PLCH1: variants seen among roughly 807,000 people sequenced by gnomAD.
The protein encoded by PLCH1 is 1-phosphatidylinositol 4,5-bisphosphate phosphodiesterase eta-1.
Under a neutral mutation model 126.7 loss-of-function variants are expected in PLCH1, and 60 were observed. The ratio of observed to expected loss-of-function variants is 0.47; its 90% CI spans 0.38 to 0.59. PLCH1 has a LOEUF of 0.59. Ranked by LOEUF, PLCH1 falls within the 20% of genes least tolerant of loss-of-function variation. The probability of loss-of-function intolerance (pLI) is 0.00; values close to 1 mark genes in which losing one functional copy is unlikely to be tolerated. For missense variants in PLCH1, 1,723 were observed against 2,040.0 expected (o/e 0.84, Z 2.99); for synonymous variants, 719 against 734.9 (o/e 0.98, Z 0.35).
At chr3:155,665,376 G>T (rs562129302) in intron 2 of PLCH1, among the ~76,000 whole-genome samples, 68 of 152,308 alleles carry the variant, frequency 4.5e-4, no homozygotes, top group African/African-American at 1.6e-3. Flanking sequence ...AGATGCAAAG[G>T]ATGAGTTTAC....
intron 21 of PLCH1, among the ~76,000 whole-genome samples, chr3:155,470,724 T>A (rs984875186): frequency 6.6e-5 from 10 of 151,990 alleles, no homozygotes; most frequent in Non-Finnish European, 1.5e-4. Flanking sequence ...TAACAGCGGA[T>A]CTCTCGGCAG....
At chr3:155,647,617 T>C (rs573371698) in intron 2 of PLCH1, among the ~76,000 whole-genome samples, 39 of 152,254 alleles carry the variant, frequency 2.6e-4, no homozygotes, top group African/African-American at 7.5e-4. Context: ...ACTTTTGATA[T>C]GAAAAAGGTT....
Position 155,582,946 on chromosome 3 carries a change from C to T in PLCH1, c.771+526G>A, listed in dbSNP as rs543947765. On this transcript the variant is annotated intron_variant, in intron 6 of 22. Coordinates refer to ENST00000460012, the MANE Select transcript of PLCH1 (RefSeq NM_014996.4). ...TCTTTGCTAATCAGGACCTAATTTA[C>T]TTAGCCTTTTCACATGATCAAATGG... is the stretch of plus-strand genomic sequence containing the variant. 2.0e-5 allele frequency among the ~76,000 whole-genome samples: 3 copies of T among 151,992 alleles called. No homozygotes were observed. The South Asian group carries it at 6.2e-4, about 32-fold the overall frequency.
At chr3:155,676,036 C>T in intron 2 of PLCH1, 2 of 1,533,884 alleles carry the variant, frequency 1.3e-6, no homozygotes, top group Non-Finnish European at 1.8e-6. Flanking sequence ...TCAAGGTCTG[C>T]CATTAAATTT....
At chr3:155,685,674 C>T (rs569535640) in intron 2 of PLCH1, among the ~76,000 whole-genome samples, 2 of 152,314 alleles carry the variant, frequency 1.3e-5, no homozygotes, top group East Asian at 3.9e-4. Context: ...GTTTCCCCAT[C>T]CTCAGCAATA....
At chr3:155,469,777 T>G (rs1174450654) in intron 21 of PLCH1, among the ~76,000 whole-genome samples, 2 of 150,196 alleles carry the variant, frequency 1.3e-5, no homozygotes, top group Non-Finnish European at 3.0e-5. Context: ...CCCTGACCCC[T>G]GAGCAGCCTA....
chr3:155,537,663 C>A (rs1723625730), intron 10 of PLCH1, among the ~76,000 whole-genome samples: 2 of 151,960 alleles, frequency 1.3e-5, no homozygotes, highest in Admixed American at 1.3e-4. Context: ...GGACACTATA[C>A]CATGATAAAA....
intron 13 of PLCH1, 87 bp downstream of exon 13, chr3:155,504,468 T>C: frequency 1.4e-6 from 1 of 730,012 alleles, no homozygotes; most frequent in Non-Finnish European, 2.4e-6. Flanking sequence ...TCTTCAGTTA[T>C]TCCAAGGTCA....
chr3:155,528,210 C>T (rs1261419196), intron 10 of PLCH1, among the ~76,000 whole-genome samples: 4 of 132,644 alleles, frequency 3.0e-5, no homozygotes, highest in Admixed American at 8.4e-5. Flanking sequence ...GGCGACAGAG[C>T]GAGACTCCGT....
At chr3:155,560,140 T>A (rs1052003952) in intron 8 of PLCH1, among the ~76,000 whole-genome samples, 1 of 152,162 alleles carries the variant, frequency 6.6e-6, no homozygotes, top group African/African-American at 2.4e-5. Flanking sequence ...ATTAACAAAG[T>A]TGTAAAATTG....
intron 6 of PLCH1, among the ~76,000 whole-genome samples, chr3:155,576,408 A>G (rs1729958331): frequency 6.6e-6 from 1 of 152,218 alleles, no homozygotes; most frequent in Non-Finnish European, 1.5e-5. Context: ...GTTATAAAAG[A>G]TAGTGAGAAT....
chr3:155,734,287 G>A (rs1384456069), intron 1 of PLCH1, among the ~76,000 whole-genome samples: 1 of 151,604 alleles, frequency 6.6e-6, no homozygotes, highest in African/African-American at 2.4e-5. Flanking sequence ...AGTGAGACCT[G>A]GTCTCTATTA....
At chr3:155,614,864 A>G (rs775004045) in intron 2 of PLCH1, among the ~76,000 whole-genome samples, 2 of 152,174 alleles carry the variant, frequency 1.3e-5, no homozygotes, top group African/African-American at 2.4e-5. Flanking sequence ...CCTTCCAGTC[A>G]TTGGCTTAAG....
intron 13 of PLCH1, 112 bp from the exon 14 acceptor site, chr3:155,500,906 G>T (rs1717797655): frequency 2.9e-6 from 2 of 698,768 alleles, no homozygotes; most frequent in East Asian, 5.3e-5. Flanking sequence ...ATAACTTGGA[G>T]GGAGAAAATG....
intron 2 of PLCH1, among the ~76,000 whole-genome samples, chr3:155,661,474 G>A (rs1292539297): frequency 6.6e-6 from 1 of 152,116 alleles, no homozygotes; most frequent in Non-Finnish European, 1.5e-5. Context: ...CTAATTGCTA[G>A]CATCCCATCC....
rs1048625155 is a variant in PLCH1, at chr3:155,480,866, A to G, written c.*102T>C. 13 of 1,037,272 alleles carry G rather than the reference A, an allele frequency of 1.3e-5. No homozygotes were observed. The highest frequency in any genetic ancestry group is 2.7e-4 in the Middle Eastern group (1 of 3,756). The allele number at this position is 1,037,272 out of a possible 1,614,324, so 64.3% of individuals were successfully genotyped here. A position where few individuals can be genotyped will look rare whatever the true frequency, so the allele number is the denominator to read the frequency against. On this transcript the variant is annotated 3_prime_UTR_variant, in exon 23 of 23. Transcript: ENST00000460012. ...AGGGAGACCCAAATACAAGTTTAAA[A>G]ATACATTTGAAAATCATTCCAAAGC...
At chr3:155,490,420 G>C (rs1045971250) in intron 19 of PLCH1, among the ~76,000 whole-genome samples, 12 of 152,016 alleles carry the variant, frequency 7.9e-5, no homozygotes, top group African/African-American at 1.9e-4. Context: ...AGACACATAG[G>C]CTTCACAAAT....
chr3:155,690,530 T>C (rs959397267), intron 2 of PLCH1, among the ~76,000 whole-genome samples: 2 of 152,204 alleles, frequency 1.3e-5, no homozygotes, highest in Non-Finnish European at 2.9e-5. Context: ...TATCTTCATA[T>C]GTTTTAGACA....
rs533145575 is a variant in PLCH1 at position 155,546,721 on chromosome 3, C to G, written c.1362+3066G>C. Among the ~76,000 whole-genome samples, 5 of 149,588 alleles carry G rather than the reference C, an allele frequency of 3.3e-5. No homozygotes were observed. In the South Asian group the frequency reaches 8.6e-4, roughly 26 times the overall value. Reference sequence around the variant, plus strand: ...GATCAATGGAACAGAACAGAGCCCTCAGAAATAACGCCCCATGTCTACAAC... The same window carrying G: ...GATCAATGGAACAGAACAGAGCCCTGAGAAATAACGCCCCATGTCTACAAC... On this transcript the variant is annotated intron_variant, in intron 10 of 22. Transcript: ENST00000460012.
Sources: gnomAD v4.1 joint callset for allele counts (sites outside exome capture counted in the v4.1 genomes callset) on GRCh38, gnomAD v4.1.1 for gene constraint, MANE v1.5 for transcripts, NCBI Gene and HGNC (gene_info 2026-07-23, HGNC 2026-07-21) for gene names.